The following C10orf90 variants were observed in gnomAD, a reference collection of about 807,000 sequenced individuals.
C10orf90 encodes (E2-independent) E3 ubiquitin-conjugating enzyme FATS.
In C10orf90, 56 loss-of-function variants were observed where a neutral mutation model predicts 62.5. That is an observed-to-expected ratio of 0.90 (90% confidence interval 0.72 to 1.12). C10orf90 has a LOEUF of 1.12. Ranked by LOEUF, C10orf90 falls within the 50% of genes most tolerant of loss-of-function variation. The pLI is 0.00. For synonymous variants in C10orf90, 386 were observed against 340.4 expected (o/e 1.13, Z -1.47); for missense variants, 970 against 880.4 (o/e 1.10, Z -1.29).
intron 7 of C10orf90, among the ~76,000 whole-genome samples, chr10:126,458,051 G>A (rs1200282824): frequency 6.6e-6 from 1 of 152,122 alleles, no homozygotes; most frequent in African/African-American, 2.4e-5. Context: ...TCTTTAGACA[G>A]CTCCACCAGC....
chr10:126,465,761 A>C (rs893741352), intron 4 of C10orf90, among the ~76,000 whole-genome samples: 4 of 152,200 alleles, frequency 2.6e-5, no homozygotes, highest in African/African-American at 9.7e-5. Context: ...TAGGGGACTA[A>C]TTAAATAAAT....
intron 2 of C10orf90, among the ~76,000 whole-genome samples, chr10:126,605,841 G>A (rs1845297939): frequency 6.6e-6 from 1 of 151,882 alleles, no homozygotes; most frequent in Admixed American, 6.6e-5. Context: ...ACATGGAACT[G>A]CTAAAAGATA....
intron 4 of C10orf90, among the ~76,000 whole-genome samples, chr10:126,487,142 C>CAAAAAAAAAAAAAAAAAAAAAAAA (rs1158481155): frequency 3.4e-5 from 1 of 29,458 alleles, no homozygotes; most frequent in African/African-American, 1.4e-4. Flanking sequence ...AAAACTCTGT[C>CAAAAAAAAAAAAAAAAAAAAAAAA]AAAAAAAAAA....
chr10:126,565,337 T>C (rs1233382010), intron 2 of C10orf90, among the ~76,000 whole-genome samples: 1 of 40,054 alleles, frequency 2.5e-5, no homozygotes, highest in Non-Finnish European at 4.0e-5. Flanking sequence ...ATTTATATTA[T>C]ATATAATATA....
chr10:126,623,410 G>C (rs1448205580), intron 2 of C10orf90, among the ~76,000 whole-genome samples: 1 of 152,130 alleles, frequency 6.6e-6, no homozygotes, highest in Non-Finnish European at 1.5e-5. Context: ...CTTTATCTGA[G>C]AGGCCATTTC....
rs899688755 is a variant in C10orf90, at chr10:126,536,408, T to C, written c.314-22469A>G. 7.9e-5 allele frequency among the ~76,000 whole-genome samples: 12 copies of C among 152,230 alleles called. 1 individual carries two copies. Among genetic ancestry groups the C allele is most frequent in the African/African-American group, 2.4e-4 (10 of 41,466 alleles). On this transcript the variant is annotated intron_variant, in intron 2 of 9. Transcript: ENST00000488181. Reference sequence around the variant, plus strand: ...GGCAAGACTACTTTCCTTTCCTGACTACTGCGTACTATCTGCGTAAGGACC... The same window carrying C: ...GGCAAGACTACTTTCCTTTCCTGACCACTGCGTACTATCTGCGTAAGGACC...
chr10:126,576,703 ATG>A lies in C10orf90; in HGVS notation c.314-62766_314-62765del, dbSNP rs1314280960. 1.3e-3 allele frequency among the ~76,000 whole-genome samples: 100 copies of A among 78,166 alleles called. 7 individuals carry two copies. The highest frequency in any genetic ancestry group is 1.9e-3 in the African/African-American group (35 of 18,508). 51.3% of individuals were successfully genotyped at this position (78,166 alleles called of 152,430 possible). On this transcript the variant is annotated intron_variant, in intron 2 of 9. Transcript: ENST00000488181. ...CATATACATATACATGTATATGTAT[ATG>A]TATATATATACAAGATATACATATA...
At chr10:126,663,341 C>T (rs1846555635) in intron 1 of C10orf90, among the ~76,000 whole-genome samples, 1 of 152,134 alleles carries the variant, frequency 6.6e-6, no homozygotes. Flanking sequence ...ATGTGCTGCC[C>T]CCGACCCAGC....
chr10:126,444,126 C>T (rs1858580957), intron 7 of C10orf90, among the ~76,000 whole-genome samples: 2 of 152,022 alleles, frequency 1.3e-5, no homozygotes, highest in South Asian at 4.2e-4. Context: ...GAAGGATGCC[C>T]ACGCTCACCA....
intron 7 of C10orf90, among the ~76,000 whole-genome samples, chr10:126,457,107 G>C (rs1010319323): frequency 1.2e-4 from 18 of 152,162 alleles, no homozygotes; most frequent in African/African-American, 4.3e-4. Context: ...TTGCACCTCA[G>C]CCTCCCAAGT....
At chr10:126,488,809 C>T (rs1020014778) in intron 4 of C10orf90, among the ~76,000 whole-genome samples, 9 of 152,066 alleles carry the variant, frequency 5.9e-5, no homozygotes, top group Non-Finnish European at 1.2e-4. Context: ...TGGCAAATTC[C>T]TTGAAAGACA....
At chr10:126,433,984 G>T (rs1857750084) in intron 7 of C10orf90, among the ~76,000 whole-genome samples, 1 of 152,168 alleles carries the variant, frequency 6.6e-6, no homozygotes, top group South Asian at 2.1e-4. Flanking sequence ...AAGGTAAATT[G>T]CCTATTTCTA....
chr10:126,649,271 G>A (rs545216295), intron 1 of C10orf90, among the ~76,000 whole-genome samples: 3 of 152,194 alleles, frequency 2.0e-5, no homozygotes, highest in East Asian at 1.9e-4. Flanking sequence ...ACAACATCCT[G>A]CAAAGACTTG....
intron 2 of C10orf90, among the ~76,000 whole-genome samples, chr10:126,560,193 A>G (rs900805401): frequency 6.6e-6 from 1 of 152,218 alleles, no homozygotes; most frequent in Non-Finnish European, 1.5e-5. Context: ...TCAGAAGGAA[A>G]TAATCCCCGC....
chr10:126,605,234 G>A (rs1027383616), intron 2 of C10orf90, among the ~76,000 whole-genome samples: 1 of 152,216 alleles, frequency 6.6e-6, no homozygotes, highest in South Asian at 2.1e-4. Flanking sequence ...TCAGAGGGGC[G>A]TGTGCTTTGG....
At position 126,517,818 on chromosome 10, in the gene C10orf90, G is replaced by A. The variant is rs186262377; in HGVS notation, c.314-3879C>T. On this transcript the variant is annotated intron_variant, in intron 2 of 9. Transcript: ENST00000488181. ...CCAGCTACTCAGGAGGCTGAGGCAGGAGAATCGCTTGAACCCAGGAGGTAG... is the reference window on the plus strand; with the variant it reads ...CCAGCTACTCAGGAGGCTGAGGCAGAAGAATCGCTTGAACCCAGGAGGTAG... Among the ~76,000 whole-genome samples, 145 of 150,820 alleles carry A rather than the reference G, an allele frequency of 9.6e-4. 3 individuals carry two copies. In the East Asian group the frequency reaches 0.022, roughly 23 times the overall value.
At chr10:126,500,728 C>T (rs990738359) in intron 4 of C10orf90, among the ~76,000 whole-genome samples, 6 of 152,088 alleles carry the variant, frequency 3.9e-5, no homozygotes, top group Non-Finnish European at 5.9e-5. Flanking sequence ...GGTGCTCACG[C>T]GTCTATTGGA....
intron 2 of C10orf90, among the ~76,000 whole-genome samples, chr10:126,514,836 C>T (rs768417559): frequency 2.0e-5 from 3 of 151,754 alleles, no homozygotes; most frequent in Non-Finnish European, 4.4e-5. Flanking sequence ...AATGTAGAAA[C>T]GTGAACCAAA....
At chr10:126,534,877 A>G (rs114165354) in intron 2 of C10orf90, among the ~76,000 whole-genome samples, 1,682 of 152,174 alleles carry the variant, frequency 0.011, 39 homozygotes, top group African/African-American at 0.038. Context: ...GTTTCCCGTG[A>G]TGGCCTCCAT....
Sources: gnomAD v4.1 joint callset for allele counts (sites outside exome capture counted in the v4.1 genomes callset) on GRCh38, gnomAD v4.1.1 for gene constraint, MANE v1.5 for transcripts, NCBI Gene and HGNC (gene_info 2026-07-23, HGNC 2026-07-21) for gene names.